CRISPLD2: variants seen among roughly 807,000 people sequenced by gnomAD.
CRISPLD2 encodes cysteine-rich secretory protein LCCL domain-containing 2.
A neutral mutation model predicts 71.1 loss-of-function variants in CRISPLD2; 47 were observed. The ratio of observed to expected loss-of-function variants is 0.66; its 90% confidence interval spans 0.52 to 0.84. The LOEUF is 0.84. Among genes scored for constraint, CRISPLD2 ranks in the 40% least tolerant of loss-of-function variants. The pLI is 0.00. For synonymous variants in CRISPLD2, 317 were observed against 250.1 expected, an observed-to-expected ratio of 1.27 and a Z score of -2.52; for missense variants, 830 against 651.1, an observed-to-expected ratio of 1.27 and a Z score of -2.99.
chr16:84,892,925 G>A (rs1040645693), intron 14 of CRISPLD2, among the ~76,000 whole-genome samples: 1 of 142,204 alleles, frequency 7.0e-6, no homozygotes, highest in Admixed American at 7.4e-5. Flanking sequence ...GCACTGAGCC[G>A]AGATTCCACC....
chr16:84,832,977 G>T (rs1401036511), intron 1 of CRISPLD2, among the ~76,000 whole-genome samples: 2 of 152,220 alleles, frequency 1.3e-5, no homozygotes, highest in African/African-American at 4.8e-5. Context: ...GGGTAGAGGG[G>T]TGCGGTTGGA....
chr16:84,894,592 T>G (rs946238019), intron 14 of CRISPLD2, among the ~76,000 whole-genome samples: 2 of 152,096 alleles, frequency 1.3e-5, no homozygotes, highest in African/African-American at 4.8e-5. Flanking sequence ...AGATATGATG[T>G]GAGCACACAT....
chr16:84,861,128 C>G (rs991552249), intron 6 of CRISPLD2, among the ~76,000 whole-genome samples: 1 of 152,160 alleles, frequency 6.6e-6, no homozygotes, highest in African/African-American at 2.4e-5. Flanking sequence ...TAGCTCATGC[C>G]AAGGACTCCC....
chr16:84,900,031 C>T (rs1299697030), intron 14 of CRISPLD2, among the ~76,000 whole-genome samples: 1 of 152,134 alleles, frequency 6.6e-6, no homozygotes, highest in Non-Finnish European at 1.5e-5. Flanking sequence ...GCCCTGGAAT[C>T]TGAACTTTCC....
At chr16:84,905,328 T>C (rs1186309958) in intron 14 of CRISPLD2, among the ~76,000 whole-genome samples, 1 of 152,154 alleles carries the variant, frequency 6.6e-6, no homozygotes, top group Non-Finnish European at 1.5e-5. Context: ...ATAAAATCTC[T>C]AAAAACCATT....
At chr16:84,834,225 G>T (rs553354434) in intron 1 of CRISPLD2, among the ~76,000 whole-genome samples, 1 of 152,340 alleles carries the variant, frequency 6.6e-6, no homozygotes, top group East Asian at 1.9e-4. Flanking sequence ...CACGACGGGC[G>T]CAGGGCAGGT....
chr16:84,876,939 C>T (rs977999086), intron 11 of CRISPLD2, among the ~76,000 whole-genome samples: 2 of 152,206 alleles, frequency 1.3e-5, no homozygotes, highest in Non-Finnish European at 2.9e-5. Flanking sequence ...AAAAGCCCCT[C>T]GCCCCTCAGC....
intron 13 of CRISPLD2, among the ~76,000 whole-genome samples, chr16:84,887,178 C>G (rs1196286728): frequency 1.3e-5 from 2 of 152,154 alleles, no homozygotes; most frequent in African/African-American, 2.4e-5. Context: ...CAGAGGGGAG[C>G]GTTTCAGAGG....
intron 4 of CRISPLD2, 60 bp downstream of exon 4, chr16:84,849,577 T>A: frequency 3.3e-6 from 5 of 1,506,234 alleles, no homozygotes; most frequent in Non-Finnish European, 3.6e-6. Flanking sequence ...ATTCACCCCC[T>A]GCCCCTGGGG....
intron 6 of CRISPLD2, among the ~76,000 whole-genome samples, chr16:84,863,691 C>T (rs898858910): frequency 2.0e-5 from 3 of 152,256 alleles, no homozygotes; most frequent in South Asian, 2.1e-4. Flanking sequence ...TGGGGATGGC[C>T]GGGCGCGGTG....
rs184940664 is a variant in CRISPLD2 at position 84,887,387 on chromosome 16, C to T, written c.1306-1843C>T. Among the ~76,000 whole-genome samples the T allele has an allele frequency of 5.3e-5, 8 of 152,306 alleles. No homozygotes were observed. In the East Asian group the frequency reaches 1.3e-3, roughly 26 times the overall value. ...GGCTCAGTCCACTGACAGCCACGGC[C>T]GTGACATCACTCGGTTGTGAATGGA... is the stretch of plus-strand genomic sequence containing the variant. On this transcript the variant is annotated intron_variant, in intron 13 of 14. Transcript: ENST00000262424.
chr16:84,840,018 C>CA (rs5818511), intron 2 of CRISPLD2: 35,111 of 134,358 alleles, frequency 0.26, 4,803 homozygotes, highest in African/African-American at 0.37. Flanking sequence ...GACCCTGTCT[C>CA]AAAAAAAAAA....
chr16:84,842,511 C>T (rs1012181389), intron 2 of CRISPLD2, among the ~76,000 whole-genome samples: 5 of 151,452 alleles, frequency 3.3e-5, no homozygotes, highest in Non-Finnish European at 7.4e-5. Context: ...GTAGCTGGAA[C>T]GACAGGTGCG....
intron 6 of CRISPLD2, among the ~76,000 whole-genome samples, chr16:84,858,202 G>A (rs1023857786): frequency 6.6e-6 from 1 of 152,196 alleles, no homozygotes; most frequent in Non-Finnish European, 1.5e-5. Context: ...TGGATCTGCT[G>A]GGTCGTATGG....
chr16:84,853,638 C>T (rs2646129), intron 5 of CRISPLD2, among the ~76,000 whole-genome samples: 97,273 of 152,062 alleles, frequency 0.64, 31,779 homozygotes, highest in East Asian at 0.82. Flanking sequence ...TGTTTCCTGC[C>T]GTTTGTCTTT....
At position 84,896,100 on chromosome 16, in the gene CRISPLD2, G is replaced by A. The variant is rs115258787; in HGVS notation, c.1439+6737G>A. On this transcript the variant is annotated intron_variant, in intron 14 of 14. Coordinates refer to ENST00000262424, the MANE Select transcript of CRISPLD2 (RefSeq NM_031476.4). ...GTTGCCCAGGCTGGGATGCAGTGGC[G>A]CGATCTCCACTCACTGCAACCTCTG... is the stretch of plus-strand genomic sequence containing the variant. Among the ~76,000 whole-genome samples the A allele has an allele frequency of 6.2e-3, 940 of 150,688 alleles. 5 individuals are homozygous for A. The highest frequency in any genetic ancestry group is 0.022 in the African/African-American group (884 of 40,892).
At chr16:84,834,242 C>T (rs7404740) in intron 1 of CRISPLD2, among the ~76,000 whole-genome samples, 14,608 of 152,236 alleles carry the variant, frequency 0.096, 815 homozygotes, top group South Asian at 0.16. Context: ...AGGTCTTCCC[C>T]GGCGGCCCCC....
intron 14 of CRISPLD2, among the ~76,000 whole-genome samples, chr16:84,891,810 C>T (rs186769805): frequency 6.6e-6 from 1 of 152,070 alleles, no homozygotes; most frequent in African/African-American, 2.4e-5. Flanking sequence ...GCTTTCCCAC[C>T]CGCCCCACTA....
chr16:84,827,905 C>T (rs918460765), intron 1 of CRISPLD2, among the ~76,000 whole-genome samples: 1 of 152,104 alleles, frequency 6.6e-6, no homozygotes, highest in Non-Finnish European at 1.5e-5. Context: ...AGGACCTTGC[C>T]GTCTACCCCA....
Sources: gnomAD v4.1 joint callset for allele counts (sites outside exome capture counted in the v4.1 genomes callset) on GRCh38, gnomAD v4.1.1 for gene constraint, MANE v1.5 for transcripts, NCBI Gene and HGNC (gene_info 2026-07-23, HGNC 2026-07-21) for gene names.